The following PTER variants were observed in gnomAD, a reference collection of about 807,000 sequenced individuals.
The protein encoded by PTER is N-acetyltaurine hydrolase.
A neutral mutation model predicts 29.6 loss-of-function variants in PTER; 38 were observed. The observed-to-expected ratio is 1.28, with a 90% CI of 0.99 to 1.68. The LOEUF is 1.68. PTER is among the 40% of genes most tolerant of loss of function. The probability of loss-of-function intolerance (pLI) is 0.00; values close to 1 mark genes in which losing one functional copy is unlikely to be tolerated. For synonymous variants in PTER, 172 were observed against 154.5 expected, an observed-to-expected ratio of 1.11 and a Z score of -0.84; for missense variants, 482 against 427.8, an observed-to-expected ratio of 1.13 and a Z score of -1.12.
At chr10:16,457,598 T>C (rs1459731999) in intron 1 of PTER, among the ~76,000 whole-genome samples, 1 of 151,726 alleles carries the variant, frequency 6.6e-6, no homozygotes, top group Non-Finnish European at 1.5e-5. Context: ...TACTTCAAAG[T>C]ACTTTGTTTT....
At chr10:16,479,616 G>T (rs1299571319) in intron 1 of PTER, among the ~76,000 whole-genome samples, 1 of 152,128 alleles carries the variant, frequency 6.6e-6, no homozygotes, top group African/African-American at 2.4e-5. Flanking sequence ...TGATCTATTT[G>T]GGCCAGACAG....
Position 16,484,495 on chromosome 10 carries a change from C to T in PTER, c.111C>T (p.Tyr37=), listed in dbSNP as rs747176163. 1.2e-6 allele frequency: 2 copies of T among 1,614,088 alleles called. No homozygotes were observed. The highest frequency in any genetic ancestry group is 2.2e-5 in the South Asian group (2 of 91,072). ...TGGCCATGACCTTTGACTGCTGTTACTGTCCACCTCCCCCGTGCCAGGAAG... is the reference window on the plus strand; with the variant it reads ...TGGCCATGACCTTTGACTGCTGTTATTGTCCACCTCCCCCGTGCCAGGAAG... The part of the protein sequence containing the change: ...EHLAMTFDCC[Y]CPPPPCQEAI... The change falls in exon 2 of 5, where the codon TAC becomes TAT. Residue 37 remains tyrosine (Y), a synonymous_variant. Transcript: ENST00000535784.
intron 1 of PTER, among the ~76,000 whole-genome samples, chr10:16,462,475 AAG>A (rs1410980726): frequency 6.6e-6 from 1 of 152,082 alleles, no homozygotes; most frequent in African/African-American, 2.4e-5. Flanking sequence ...GCAGTATCCT[AAG>A]GGTAGAACCA....
chr10:16,504,562 G>C (rs1424597654), intron 3 of PTER, among the ~76,000 whole-genome samples: 1 of 152,152 alleles, frequency 6.6e-6, no homozygotes, highest in Non-Finnish European at 1.5e-5. Context: ...ACAAGGCAAA[G>C]CCTCATGTGT....
chr10:16,509,286 T>C (rs1204512175), intron 4 of PTER, among the ~76,000 whole-genome samples: 1 of 148,304 alleles, frequency 6.7e-6, no homozygotes, highest in Admixed American at 6.9e-5. Context: ...CATAACGTTA[T>C]CTTTCTCATA....
chr10:16,494,366 G>A (rs762689937), intron 3 of PTER, among the ~76,000 whole-genome samples: 5 of 152,070 alleles, frequency 3.3e-5, no homozygotes, highest in Non-Finnish European at 5.9e-5. Flanking sequence ...AAAGGGTGAC[G>A]TCACTCCTTC....
At chr10:16,465,525 G>A (rs972106072) in intron 1 of PTER, among the ~76,000 whole-genome samples, 28 of 152,144 alleles carry the variant, frequency 1.8e-4, no homozygotes, top group Non-Finnish European at 2.9e-4. Context: ...GAAGCATAAA[G>A]ATCATTGGTC....
In PTER at chr10:16,484,819, A is replaced by G; in HGVS notation, c.432+3A>G. On this transcript the variant is annotated splice_donor_region_variant and intron_variant, in intron 2 of 4. Transcript: ENST00000535784. ...CCAGGGCCATGTCAGTGGAGCAGGT[A>G]AAAAGCCTAAGTTCTTTGACAGTAT... 2 of 1,584,596 alleles carry G rather than the reference A, an allele frequency of 1.3e-6. No homozygotes were observed. The highest frequency in any genetic ancestry group is 1.4e-5 in the African/African-American group (1 of 73,312).
At chr10:16,442,759 C>T (rs1469953887) in intron 1 of PTER, among the ~76,000 whole-genome samples, 2 of 152,152 alleles carry the variant, frequency 1.3e-5, no homozygotes, top group Non-Finnish European at 2.9e-5. Context: ...GCAGGCGGAC[C>T]ACTTGAGGTC....
At chr10:16,451,752 T>C (rs1187413229) in intron 1 of PTER, among the ~76,000 whole-genome samples, 1 of 152,150 alleles carries the variant, frequency 6.6e-6, no homozygotes, top group African/African-American at 2.4e-5. Flanking sequence ...GACAGTAGTT[T>C]TCTCTGCCTA....
Position 16,511,527 on chromosome 10 carries a change from C to G in PTER, c.*271C>G, listed in dbSNP as rs1836811028. 1 of 381,258 alleles carries G rather than the reference C, an allele frequency of 2.6e-6. No homozygotes were observed. The highest frequency in any genetic ancestry group is 4.9e-5 in the South Asian group (1 of 20,484). The allele number at this position is 381,258 out of a possible 1,614,324, so 23.6% of individuals were successfully genotyped here. A position where few individuals can be genotyped will look rare whatever the true frequency, so the allele number is the denominator to read the frequency against. ...TAAACAATGATTTAAAGTCTATATCCCCTAAGCGGAGTTGTTGTTTTTCTC... is the reference window on the plus strand; with the variant it reads ...TAAACAATGATTTAAAGTCTATATCGCCTAAGCGGAGTTGTTGTTTTTCTC... On this transcript the variant is annotated 3_prime_UTR_variant, in exon 5 of 5. Transcript: ENST00000535784.
intron 1 of PTER, among the ~76,000 whole-genome samples, chr10:16,440,330 C>T (rs532585887): frequency 6.6e-6 from 1 of 151,926 alleles, no homozygotes; most frequent in South Asian, 2.1e-4. Context: ...AGCCTCCCGG[C>T]ATGAGCCACC....
chr10:16,457,054 G>A (rs1834428354), intron 1 of PTER, among the ~76,000 whole-genome samples: 1 of 151,936 alleles, frequency 6.6e-6, no homozygotes, highest in African/African-American at 2.4e-5. Flanking sequence ...ACCCAGTCTC[G>A]GTTATGTCTT....
chr10:16,482,233 G>A (rs1835506720), intron 1 of PTER, among the ~76,000 whole-genome samples: 1 of 152,190 alleles, frequency 6.6e-6, no homozygotes, highest in Non-Finnish European at 1.5e-5. Flanking sequence ...GATAATTGCA[G>A]TGGCTTGCTA....
chr10:16,503,957 T>C (rs1296064193), intron 3 of PTER, among the ~76,000 whole-genome samples: 1 of 152,194 alleles, frequency 6.6e-6, no homozygotes, highest in Non-Finnish European at 1.5e-5. Flanking sequence ...CAATTTCCGA[T>C]CCGAAACGAT....
At position 16,455,715 on chromosome 10, in the gene PTER, G is replaced by A. The variant is rs578241054; in HGVS notation, c.-49+18668G>A. On this transcript the variant is annotated intron_variant, in intron 1 of 4. Transcript: ENST00000535784. ...AAAAATAAAAAGAGCAAGCCAAGAG[G>A]TAAAGGTTTAACTTCATCTGATACC... Among the ~76,000 whole-genome samples, 4 of 152,144 alleles carry A rather than the reference G, an allele frequency of 2.6e-5. No homozygotes were observed. The South Asian group carries it at 8.3e-4, about 32-fold the overall frequency.
intron 1 of PTER, among the ~76,000 whole-genome samples, chr10:16,473,045 A>G (rs992624258): frequency 2.7e-5 from 4 of 150,822 alleles, no homozygotes; most frequent in African/African-American, 9.7e-5. Context: ...AAAAAACTTT[A>G]TTGGAATTTT....
Position 16,505,086 on chromosome 10 carries a change from C to T in PTER, c.765C>T (p.Leu255=). ...TTGGCTGCTACTTGGAATATGATCT[C>T]TTTGGTACTGAACTACTTCATTACC... The part of the protein sequence containing the change: ...AQLGCYLEYD[L]FGTELLHYQL... The change falls in exon 4 of 5, where the codon CTC becomes CTT. Residue 255 remains leucine, a synonymous_variant. Coordinates refer to ENST00000535784, the MANE Select transcript of PTER (RefSeq NM_001261836.2). The T allele has an allele frequency of 1.2e-6, 2 of 1,614,004 alleles. No homozygotes were observed. The highest frequency in any genetic ancestry group is 2.2e-5 in the South Asian group (2 of 91,068).
chr10:16,518,808 A>G, the PTER span, among the ~76,000 whole-genome samples: 2 of 152,058 alleles, frequency 1.3e-5, no homozygotes, highest in Non-Finnish European at 2.9e-5. Flanking sequence ...AAGAGAGCCA[A>G]TTTGCAAATA....
Sources: gnomAD v4.1 joint callset for allele counts (sites outside exome capture counted in the v4.1 genomes callset) on GRCh38, gnomAD v4.1.1 for gene constraint, MANE v1.5 for transcripts, NCBI Gene and HGNC (gene_info 2026-07-23, HGNC 2026-07-21) for gene names.